LDLRAD4: variants seen among roughly 807,000 people sequenced by gnomAD.
LDLRAD4 encodes low-density lipoprotein receptor class A domain-containing protein 4.
LDLRAD4 carries 5 observed loss-of-function variants against 17.0 expected under a neutral mutation model. That is an observed-to-expected ratio of 0.29 (90% CI 0.15 to 0.62). The LOEUF (loss-of-function observed/expected upper bound fraction) is 0.62, where lower values mean the gene tolerates loss of function less well. Ranked by LOEUF, LDLRAD4 falls within the 20% of genes least tolerant of loss-of-function variation. The pLI is 0.84. For synonymous variants in LDLRAD4, 168 were observed against 171.8 expected, an observed-to-expected ratio of 0.98 and a Z score of 0.17; for missense variants, 340 against 424.7, an observed-to-expected ratio of 0.80 and a Z score of 1.75.
At chr18:13,357,642 C>T (rs1314856126) in intron 1 of LDLRAD4, among the ~76,000 whole-genome samples, 2 of 152,090 alleles carry the variant, frequency 1.3e-5, no homozygotes, top group Non-Finnish European at 2.9e-5. Flanking sequence ...GATATGTGTG[C>T]CTGTCCATAT....
At chr18:13,475,890 G>T (rs976119851) in intron 3 of LDLRAD4, among the ~76,000 whole-genome samples, 2 of 152,214 alleles carry the variant, frequency 1.3e-5, no homozygotes, top group Admixed American at 1.3e-4. Flanking sequence ...GGACATTGCA[G>T]AGGAACGAAA....
chr18:13,592,275 A>T (rs1392078894), intron 3 of LDLRAD4, among the ~76,000 whole-genome samples: 1 of 152,218 alleles, frequency 6.6e-6, no homozygotes, highest in Non-Finnish European at 1.5e-5. Context: ...ACCCAATATA[A>T]ATACACACGT....
upstream of LDLRAD4, among the ~76,000 whole-genome samples, chr18:13,274,763 A>G (rs755931996): frequency 2.6e-5 from 4 of 152,254 alleles, no homozygotes; most frequent in Non-Finnish European, 5.9e-5. Flanking sequence ...GGAATGTAAA[A>G]TAGACACAAT....
At chr18:13,495,838 G>A (rs1464854498) in intron 3 of LDLRAD4, among the ~76,000 whole-genome samples, 2 of 152,180 alleles carry the variant, frequency 1.3e-5, no homozygotes, top group Admixed American at 6.5e-5. Context: ...CACCAGCACT[G>A]CCACTGCGCA....
At position 13,297,584 on chromosome 18, in the gene LDLRAD4, C is replaced by T. The variant is rs181895950; in HGVS notation, c.-383+19396C>T. Reference sequence around the variant, plus strand: ...CTGAGGTGGGAGGATGGCTTGAAGCCAGGTGTCCAAGACCAGCTTGGGTAA... The same window carrying T: ...CTGAGGTGGGAGGATGGCTTGAAGCTAGGTGTCCAAGACCAGCTTGGGTAA... On this transcript the variant is annotated intron_variant, in intron 1 of 5. Transcript: ENST00000359446. Among the ~76,000 whole-genome samples the T allele has an allele frequency of 7.2e-5, 11 of 152,310 alleles. No individual in the cohort carries two copies. In the East Asian group the frequency reaches 1.9e-3, roughly 27 times the overall value.
intron 1 of LDLRAD4, among the ~76,000 whole-genome samples, chr18:13,381,539 C>A (rs2085366582): frequency 6.6e-6 from 1 of 152,212 alleles, no homozygotes; most frequent in African/African-American, 2.4e-5. Context: ...GGGTCCCCTA[C>A]CTGGGGCTCT....
intron 4 of LDLRAD4, chr18:13,641,962 G>T: frequency 1.0e-6 from 1 of 985,424 alleles, no homozygotes; most frequent in Non-Finnish European, 1.2e-6. Context: ...GCGCCCCTGC[G>T]GGCCCAGCCT....
chr18:13,348,975 C>T (rs1453901534), intron 1 of LDLRAD4, among the ~76,000 whole-genome samples: 2 of 152,180 alleles, frequency 1.3e-5, no homozygotes, highest in East Asian at 3.9e-4. Context: ...CATCTGTCAC[C>T]CCTTTCCTTG....
intron 4 of LDLRAD4, among the ~76,000 whole-genome samples, chr18:13,624,084 A>G (rs759862993): frequency 6.6e-6 from 1 of 152,194 alleles, no homozygotes; most frequent in Admixed American, 6.5e-5. Context: ...TGCGTCCTAC[A>G]GTGCACAGGC....
chr18:13,355,795 CTAAT>C (rs1297603143), intron 1 of LDLRAD4, among the ~76,000 whole-genome samples: 1 of 151,958 alleles, frequency 6.6e-6, no homozygotes, highest in East Asian at 1.9e-4. Flanking sequence ...CCATGCCTGG[CTAAT>C]TAAAAAAAAA....
At chr18:13,450,332 C>G (rs566891046) in intron 3 of LDLRAD4, among the ~76,000 whole-genome samples, 10 of 121,618 alleles carry the variant, frequency 8.2e-5, no homozygotes, top group African/African-American at 1.3e-4. Flanking sequence ...CCCCACCCCC[C>G]CCCCCAAAAA....
intron 1 of LDLRAD4, among the ~76,000 whole-genome samples, chr18:13,294,807 T>G (rs1032329241): frequency 7.3e-5 from 11 of 150,548 alleles, no homozygotes; most frequent in African/African-American, 2.4e-4. Context: ...TGTCACAGCC[T>G]GATATGTAAA....
rs1599965689 is a variant in LDLRAD4, at chr18:13,402,687, G to T, written c.40+14925G>T. Among the ~76,000 whole-genome samples the T allele has an allele frequency of 2.6e-5, 4 of 152,150 alleles. No homozygotes were observed. The South Asian group carries it at 8.3e-4, about 32-fold the overall frequency. On this transcript the variant is annotated intron_variant, in intron 2 of 5. Transcript: ENST00000359446. ...TATAGACAGCAATTAGTAAACATAT[G>T]TTGAATGAATGAAATGGTATTTGTG...
At chr18:13,293,927 T>C (rs2046115645) in intron 1 of LDLRAD4, among the ~76,000 whole-genome samples, 2 of 152,152 alleles carry the variant, frequency 1.3e-5, no homozygotes, top group Admixed American at 1.3e-4. Flanking sequence ...GGAGTCAGGC[T>C]CACAGGCTTC....
intron 1 of LDLRAD4, among the ~76,000 whole-genome samples, chr18:13,226,223 GT>G (rs1387149650): frequency 8.9e-6 from 1 of 112,306 alleles, no homozygotes; most frequent in African/African-American, 3.5e-5. Context: ...GTTTCGCCAT[GT>G]TGCCCAGGCT....
intron 1 of LDLRAD4, among the ~76,000 whole-genome samples, chr18:13,299,454 A>G (rs1164969833): frequency 6.6e-6 from 1 of 152,166 alleles, no homozygotes; most frequent in Non-Finnish European, 1.5e-5. Context: ...TGGAACTGGG[A>G]CAAGAGCACT....
intron 2 of LDLRAD4, among the ~76,000 whole-genome samples, chr18:13,402,363 C>T (rs2087306247): frequency 1.3e-5 from 2 of 152,194 alleles, no homozygotes; most frequent in South Asian, 2.1e-4. Context: ...TCACTTCTAG[C>T]GTTAATGGTT....
chr18:13,281,206 A>G (rs924751372), intron 1 of LDLRAD4, among the ~76,000 whole-genome samples: 1 of 152,122 alleles, frequency 6.6e-6, no homozygotes, highest in Non-Finnish European at 1.5e-5. Flanking sequence ...GGGCAACATA[A>G]TGAGACCTCA....
intron 1 of LDLRAD4, among the ~76,000 whole-genome samples, chr18:13,354,434 T>C (rs1263301578): frequency 3.9e-5 from 6 of 152,194 alleles, no homozygotes; most frequent in Non-Finnish European, 1.5e-5. Context: ...TAATGGAAAA[T>C]GTTCTTTTAT....
Sources: allele counts gnomAD v4.1 joint callset (sites outside exome capture counted in the v4.1 genomes callset), GRCh38; gene constraint gnomAD v4.1.1; transcripts MANE v1.5; gene names NCBI Gene and HGNC (gene_info 2026-07-23, HGNC 2026-07-21).